DAB1: variants seen among roughly 807,000 people sequenced by gnomAD.
DAB1 encodes the protein disabled homolog 1.
Under a neutral mutation model 64.6 loss-of-function variants are expected in DAB1, and 15 were observed. The observed-to-expected ratio is 0.23, with a 90% CI of 0.16 to 0.36. The LOEUF is 0.36. Ranked by LOEUF, DAB1 falls within the 10% of genes least tolerant of loss-of-function variation. The pLI, the probability that DAB1 is intolerant of heterozygous loss-of-function variation, is 1.00. For missense variants in DAB1, 596 were observed against 706.7 expected (o/e 0.84, Z 1.78); for synonymous variants, 235 against 251.9 (o/e 0.93, Z 0.64).
intron 4 of DAB1, among the ~76,000 whole-genome samples, chr1:58,275,196 A>G (rs575965212): frequency 6.6e-6 from 1 of 152,250 alleles, no homozygotes; most frequent in Non-Finnish European, 1.5e-5. Context: ...TGAATCAAAG[A>G]TGTAAATATA....
At chr1:57,970,949 C>A (rs1232876278) in intron 5 of DAB1, among the ~76,000 whole-genome samples, 1 of 152,002 alleles carries the variant, frequency 6.6e-6, no homozygotes, top group Non-Finnish European at 1.5e-5. Flanking sequence ...ATCTGAAAGC[C>A]CCCTGGACTT....
chr1:57,937,652 C>T (rs1421871784), intron 5 of DAB1, among the ~76,000 whole-genome samples: 1 of 152,178 alleles, frequency 6.6e-6, no homozygotes, highest in Non-Finnish European at 1.5e-5. Context: ...TTAAAGTGCT[C>T]TGGGCAAAAT....
chr1:58,211,769 C>A (rs570182565), intron 4 of DAB1, among the ~76,000 whole-genome samples: 1 of 152,248 alleles, frequency 6.6e-6, no homozygotes, highest in East Asian at 1.9e-4. Flanking sequence ...GAGATGAAAT[C>A]ACTTTCCTGT....
intron 6 of DAB1, among the ~76,000 whole-genome samples, chr1:57,663,097 G>A (rs1646405808): frequency 6.6e-6 from 1 of 152,180 alleles, no homozygotes; most frequent in Non-Finnish European, 1.5e-5. Flanking sequence ...GGCTGTACAG[G>A]AAGCATGGTT....
chr1:57,556,148 C>T (rs1278991049), intron 7 of DAB1, among the ~76,000 whole-genome samples: 2 of 152,046 alleles, frequency 1.3e-5, no homozygotes, highest in African/African-American at 4.8e-5. Context: ...ATGGTATATA[C>T]ATACCACGTT....
At chr1:57,294,104 T>C (rs1673000956) in intron 1 of DAB1, among the ~76,000 whole-genome samples, 1 of 152,190 alleles carries the variant, frequency 6.6e-6, no homozygotes, top group Admixed American at 6.5e-5. Context: ...CCAAATTATT[T>C]AGGAAATTCG....
At chr1:57,783,344 C>T (rs1461592004) in intron 6 of DAB1, among the ~76,000 whole-genome samples, 4 of 151,964 alleles carry the variant, frequency 2.6e-5, no homozygotes, top group Non-Finnish European at 4.4e-5. Context: ...CACATGATCT[C>T]GCCCATCTTG....
intron 4 of DAB1, among the ~76,000 whole-genome samples, chr1:57,092,054 A>G (rs1653729979): frequency 6.6e-6 from 1 of 152,168 alleles, no homozygotes; most frequent in Admixed American, 6.5e-5. Flanking sequence ...GCAGAAAAGG[A>G]CCTGAATGAA....
intron 6 of DAB1, among the ~76,000 whole-genome samples, chr1:57,704,762 C>T (rs890572757): frequency 6.6e-6 from 1 of 152,086 alleles, no homozygotes; most frequent in African/African-American, 2.4e-5. Flanking sequence ...GAAGACAATT[C>T]TAATTGTTTC....
At chr1:57,608,232 C>T (rs1645681206) in intron 7 of DAB1, among the ~76,000 whole-genome samples, 1 of 152,078 alleles carries the variant, frequency 6.6e-6, no homozygotes. Context: ...ATTGAATGCA[C>T]ACACAGACAC....
intron 2 of DAB1, among the ~76,000 whole-genome samples, chr1:57,251,787 CTTTG>C (rs150308919): frequency 0.011 from 1,712 of 152,252 alleles, 33 homozygotes; most frequent in African/African-American, 0.04. Flanking sequence ...AGTTTTCATT[CTTTG>C]TTTGGAGACA....
intron 3 of DAB1, among the ~76,000 whole-genome samples, chr1:58,362,957 C>A (rs1369644350): frequency 1.3e-5 from 2 of 152,204 alleles, no homozygotes; most frequent in Non-Finnish European, 2.9e-5. Flanking sequence ...AGATCAAGGT[C>A]CAGCAGGGTT....
intron 3 of DAB1, among the ~76,000 whole-genome samples, chr1:58,400,261 T>C (rs1569729642): frequency 1.3e-5 from 2 of 151,820 alleles, no homozygotes; most frequent in East Asian, 3.9e-4. Flanking sequence ...CTCCTGAGTT[T>C]ACATCTCCTC....
At chr1:58,071,388 G>GTGTGTA (rs1649246089) in intron 5 of DAB1, among the ~76,000 whole-genome samples, 1 of 150,932 alleles carries the variant, frequency 6.6e-6, no homozygotes, top group Non-Finnish European at 1.5e-5. Flanking sequence ...GTGTGTGTGT[G>GTGTGTA]TGTGTGTGTG....
intron 4 of DAB1, among the ~76,000 whole-genome samples, chr1:58,237,015 A>G (rs1376854761): frequency 6.8e-6 from 1 of 147,936 alleles, no homozygotes; most frequent in Non-Finnish European, 1.5e-5. Context: ...TTCAATATAG[A>G]CCCCAATAAC....
chr1:57,978,774 C>T (rs561115294), intron 5 of DAB1, among the ~76,000 whole-genome samples: 9 of 152,306 alleles, frequency 5.9e-5, no homozygotes, highest in African/African-American at 2.2e-4. Context: ...ACAGACACTT[C>T]TCAAAAGAAG....
chr1:57,218,189 C>T (rs1001969907), intron 2 of DAB1, among the ~76,000 whole-genome samples: 3 of 152,152 alleles, frequency 2.0e-5, no homozygotes, highest in African/African-American at 7.2e-5. Flanking sequence ...GCAGAAGACA[C>T]AGCACATGCA....
At chr1:58,370,879 C>T (rs892680350) in intron 3 of DAB1, among the ~76,000 whole-genome samples, 145 of 152,302 alleles carry the variant, frequency 9.5e-4, no homozygotes, top group African/African-American at 3.4e-3. Flanking sequence ...TGAGGCCTCC[C>T]CTGCCATGCA....
chr1:57,856,887 G>A (rs903084340), intron 1 of DAB1, among the ~76,000 whole-genome samples: 1 of 152,156 alleles, frequency 6.6e-6, no homozygotes, highest in East Asian at 1.9e-4. Context: ...ATACACTCAG[G>A]GTCGGAAATT....
Sources: allele counts gnomAD v4.1 joint callset (sites outside exome capture counted in the v4.1 genomes callset), GRCh38; gene constraint gnomAD v4.1.1; transcripts MANE v1.5; gene names NCBI Gene and HGNC (gene_info 2026-07-23, HGNC 2026-07-21).